Variants in TRPM2 observed in about 807,000 individuals in gnomAD.
The protein encoded by TRPM2 is estrogen-responsive element-associated gene 1 protein.
A neutral mutation model predicts 174.0 loss-of-function variants in TRPM2; 161 were observed. The ratio of observed to expected loss-of-function variants is 0.93; its 90% CI spans 0.81 to 1.05. TRPM2 has a LOEUF of 1.05. Among genes scored for constraint, TRPM2 ranks in the 50% least tolerant of loss-of-function variants. The pLI is 0.00. For synonymous variants in TRPM2, 954 were observed against 861.3 expected (o/e 1.11, Z -1.88); for missense variants, 2,057 against 2,038.0 (o/e 1.01, Z -0.18).
chr21:44,428,429 T>G (rs1404092662), intron 27 of TRPM2, among the ~76,000 whole-genome samples: 2 of 134,832 alleles, frequency 1.5e-5, no homozygotes, highest in Non-Finnish European at 3.1e-5. Flanking sequence ...TCCCCTTAGG[T>G]GTGGCTCCTC....
chr21:44,378,317 G>A (rs1404187110), intron 7 of TRPM2, among the ~76,000 whole-genome samples: 2 of 152,220 alleles, frequency 1.3e-5, no homozygotes, highest in African/African-American at 4.8e-5. Flanking sequence ...GAATGTACGA[G>A]GACATATAGC....
intron 20 of TRPM2, among the ~76,000 whole-genome samples, chr21:44,417,153 T>A (rs1441294830): frequency 2.4e-5 from 3 of 126,478 alleles, no homozygotes; most frequent in Admixed American, 7.8e-5. Flanking sequence ...AGTGGGCACG[T>A]GGGCGTGGCT....
At chr21:44,435,288 C>T in intron 28 of TRPM2, 71 bp downstream of exon 28, 1 of 1,546,056 alleles carries the variant, frequency 6.5e-7, no homozygotes, top group East Asian at 2.3e-5. Context: ...GGGCGGCTGC[C>T]ATTGCCCAGT....
intron 2 of TRPM2, among the ~76,000 whole-genome samples, chr21:44,355,541 C>T (rs1268760987): frequency 6.6e-6 from 1 of 152,230 alleles, no homozygotes; most frequent in Non-Finnish European, 1.5e-5. Flanking sequence ...AGGAAGTGAG[C>T]TTCCCTCCTA....
chr21:44,437,281 C>CCTGCAGCCCCCTGCTGCCCA, intron 29 of TRPM2, 114 bp downstream of exon 29: 1 of 1,019,706 alleles, frequency 9.8e-7, no homozygotes, highest in Non-Finnish European at 1.5e-6. Flanking sequence ...CCTGCAGCCC[C>CCTGCAGCCCCCTGCTGCCCA]TGGGCAGGGA....
In TRPM2 at chr21:44,400,389, G is replaced by T. The variant is rs2049577788; in HGVS notation, c.2321+18G>T. On this transcript the variant is annotated intron_variant, in intron 15 of 31. Coordinates refer to ENST00000397928, the MANE Select transcript of TRPM2 (RefSeq NM_003307.4). ...TCCTTCAGGTGCTGCAGGGCTGCGG[G>T]GCTGCGGGACTGTGGGGCTGCGGGG... 1 of 1,602,746 alleles carries T rather than the reference G, an allele frequency of 6.2e-7. No individual in the cohort carries two copies. Among genetic ancestry groups the T allele is most frequent in the East Asian group, 2.2e-5 (1 of 44,720 alleles).
intron 2 of TRPM2, among the ~76,000 whole-genome samples, chr21:44,358,098 G>A (rs748406448): frequency 1.7e-4 from 26 of 152,118 alleles, no homozygotes; most frequent in Non-Finnish European, 3.4e-4. Context: ...TACCCCACTC[G>A]TCCAGACCTG....
At chr21:44,362,606 T>C (rs1474726423) in intron 2 of TRPM2, among the ~76,000 whole-genome samples, 1 of 152,198 alleles carries the variant, frequency 6.6e-6, no homozygotes, top group African/African-American at 2.4e-5. Flanking sequence ...TTCAAGGGGT[T>C]ACTCTTTTTG....
In TRPM2 at chr21:44,440,306, A is replaced by ACAG. The variant is rs1366727069; in HGVS notation, c.4270-483_4270-482insCAG. Among the ~76,000 whole-genome samples the ACAG allele has an allele frequency of 9.7e-3, 1,282 of 131,850 alleles. 30 individuals are homozygous for ACAG. Among genetic ancestry groups the ACAG allele is most frequent in the Non-Finnish European group, 0.012 (779 of 65,806 alleles). 86.5% of individuals were successfully genotyped at this position (131,850 alleles called of 152,430 possible). A position where few individuals can be genotyped will look rare whatever the true frequency, so the allele number is the denominator to read the frequency against. ...AGCCGAGGTTGCACCACTGCGCTCAAAAAAAAAAAAAAAAAAAAAAAAAGT... is the reference window on the plus strand; with the variant it reads ...AGCCGAGGTTGCACCACTGCGCTCAACAGAAAAAAAAAAAAAAAAAAAAAAAGT... On this transcript the variant is annotated intron_variant, in intron 30 of 31. Coordinates refer to ENST00000397928, the MANE Select transcript of TRPM2 (RefSeq NM_003307.4).
At chr21:44,397,675 G>T in intron 12 of TRPM2, 72 bp from the exon 13 acceptor site, 1 of 1,472,558 alleles carries the variant, frequency 6.8e-7, no homozygotes, top group Non-Finnish European at 9.0e-7. Context: ...ATCACCTGGG[G>T]CAGTGTGTTG....
rs949184347 is a variant in TRPM2 at position 44,370,498 on chromosome 21, C to T, written c.771+1155C>T. Among the ~76,000 whole-genome samples the T allele has an allele frequency of 2.6e-5, 4 of 152,198 alleles. No individual in the cohort carries two copies. In the East Asian group the frequency reaches 7.7e-4, roughly 29 times the overall value. On this transcript the variant is annotated intron_variant, in intron 5 of 31. Coordinates refer to ENST00000397928, the MANE Select transcript of TRPM2 (RefSeq NM_003307.4). ...AGGACACACTAACTTTGGTATGATG[C>T]GTGTGTGCCCCTGAATCCACGTGGT...
In TRPM2 at chr21:44,367,896, A is replaced by G. The variant is rs146941603; in HGVS notation, c.604+962A>G. ...CCAGACCTTTTCTCAGCCTGGTCACATGGGACTGGGTTTAACGCAGGTCAC... is the reference window on the plus strand; with the variant it reads ...CCAGACCTTTTCTCAGCCTGGTCACGTGGGACTGGGTTTAACGCAGGTCAC... On this transcript the variant is annotated intron_variant, in intron 4 of 31. Transcript: ENST00000397928. The surrounding 1 kb of genome is among the most constrained non-coding windows in gnomAD (Gnocchi z 4.6). Among the ~76,000 whole-genome samples, 182 of 152,282 alleles carry G rather than the reference A, an allele frequency of 1.2e-3. 1 individual carries two copies. Among genetic ancestry groups the G allele is most frequent in the African/African-American group, 4.2e-3 (176 of 41,538 alleles).
chr21:44,432,898 C>T lies in TRPM2; in HGVS notation c.3975-2233C>T, dbSNP rs905841333. ...GGGGTTGTGTGCGTAGGTTTATGGA[C>T]GGGCCTATGCCTTGATGTCGTGATG... On this transcript the variant is annotated intron_variant, in intron 27 of 31. Coordinates refer to ENST00000397928, the MANE Select transcript of TRPM2 (RefSeq NM_003307.4). This position sits in a 1 kb window ranked among gnomAD's most constrained non-coding sequence, Gnocchi z 4.9. Among the ~76,000 whole-genome samples, 1 of 152,086 alleles carries T rather than the reference C, an allele frequency of 6.6e-6. No homozygotes were observed. The highest frequency in any genetic ancestry group is 1.5e-5 in the Non-Finnish European group (1 of 68,022).
intron 21 of TRPM2, 147 bp downstream of exon 21, chr21:44,418,255 A>T (rs1426743078): frequency 7.3e-7 from 1 of 1,376,344 alleles, no homozygotes; most frequent in Non-Finnish European, 9.8e-7. Flanking sequence ...GGCCTTGAGC[A>T]AGTGGTGGGG....
At chr21:44,408,660 T>A (rs1013390660) in intron 19 of TRPM2, among the ~76,000 whole-genome samples, 4 of 148,730 alleles carry the variant, frequency 2.7e-5, no homozygotes, top group African/African-American at 9.9e-5. Context: ...TGCCCTTTTT[T>A]TTTTTTTTTT....
chr21:44,408,190 A>G (rs2049970765), intron 19 of TRPM2, among the ~76,000 whole-genome samples: 1 of 151,872 alleles, frequency 6.6e-6, no homozygotes, highest in Non-Finnish European at 1.5e-5. Flanking sequence ...CAGGTGATCC[A>G]CCCGCCTCGG....
Position 44,366,374 on chromosome 21 carries a change from T to C in TRPM2, c.424-380T>C, listed in dbSNP as rs913142168. On this transcript the variant is annotated intron_variant, in intron 3 of 31. Coordinates refer to ENST00000397928, the MANE Select transcript of TRPM2 (RefSeq NM_003307.4). This position sits in a 1 kb window ranked among gnomAD's most constrained non-coding sequence, Gnocchi z 6.0. ...AGGGCAGAGACCCCGGTGCAGGAGCTGATTAGACCCGGGGGAGGCAGGGCC... is the reference window on the plus strand; with the variant it reads ...AGGGCAGAGACCCCGGTGCAGGAGCCGATTAGACCCGGGGGAGGCAGGGCC... Among the ~76,000 whole-genome samples the C allele has an allele frequency of 1.3e-5, 2 of 151,306 alleles. No homozygotes were observed. The highest frequency in any genetic ancestry group is 6.6e-5 in the Admixed American group (1 of 15,254).
At chr21:44,398,003 C>T (rs2049486530) in intron 13 of TRPM2, 127 bp downstream of exon 13, 2 of 1,194,386 alleles carry the variant, frequency 1.7e-6, no homozygotes. Flanking sequence ...GGCCTCAGCC[C>T]TGCACGCTTA....
Position 44,377,595 on chromosome 21 carries a change from G to A in TRPM2, c.953-117G>A, listed in dbSNP as rs1227555020. The A allele has an allele frequency of 2.9e-6, 4 of 1,380,634 alleles. No individual in the cohort carries two copies. In the South Asian group the frequency reaches 3.7e-5, roughly 13 times the overall value. 85.5% of individuals were successfully genotyped at this position (1,380,634 alleles called of 1,614,324 possible). ...CAGGGGAGAGTGCCCTCAGTGCAGG[G>A]TCTTGCCCCCCACCTCTGTCCCCTC... On this transcript the variant is annotated intron_variant, in intron 6 of 31. Coordinates refer to ENST00000397928, the MANE Select transcript of TRPM2 (RefSeq NM_003307.4).
Sources: allele counts gnomAD v4.1 joint callset (sites outside exome capture counted in the v4.1 genomes callset), GRCh38; gene constraint gnomAD v4.1.1; non-coding constraint Gnocchi (gnomAD v3.1); transcripts MANE v1.5; gene names NCBI Gene and HGNC (gene_info 2026-07-23, HGNC 2026-07-21).